Variants in GPRIN3 observed in about 807,000 individuals in gnomAD.
GPRIN3 encodes G protein-regulated inducer of neurite outgrowth 3.
Under a neutral mutation model 13.7 loss-of-function variants are expected in GPRIN3, and 12 were observed. That is an observed-to-expected ratio of 0.87 (90% CI 0.56 to 1.42). GPRIN3 has a LOEUF of 1.42. Among genes scored for constraint, GPRIN3 ranks in the 40% most tolerant of loss-of-function variants. The pLI is 0.00. For synonymous variants in GPRIN3, 377 were observed against 372.7 expected (o/e 1.01, Z -0.13); for missense variants, 1,009 against 958.7 (o/e 1.05, Z -0.69).
At chr4:89,256,188 G>T (rs761194309) in intron 1 of GPRIN3, among the ~76,000 whole-genome samples, 2 of 151,936 alleles carry the variant, frequency 1.3e-5, no homozygotes, top group Non-Finnish European at 2.9e-5. Flanking sequence ...GAAGAAAATG[G>T]AAAGAAAGAA....
chr4:89,248,780 G>C lies in GPRIN3; in HGVS notation c.1331C>G (p.Thr444Ser). The C allele has an allele frequency of 6.2e-7, 1 of 1,614,218 alleles. No individual in the cohort carries two copies. Among genetic ancestry groups the C allele is most frequent in the Non-Finnish European group, 8.5e-7 (1 of 1,180,026 alleles). ...CKEDGRLAGMTPVREESTAKK... is the reference protein window; with the variant it reads ...CKEDGRLAGMSPVREESTAKK... Reference sequence around the variant, plus strand: ...AGCAGTTGACTCTTCCCTCACTGGAGTCATTCCTGCTAACCTCCCATCTTC... The same window carrying C: ...AGCAGTTGACTCTTCCCTCACTGGACTCATTCCTGCTAACCTCCCATCTTC... Residue 444 changes from threonine to serine, a missense_variant, in exon 2 of 2, where the codon ACT becomes AGT. Transcript: ENST00000609438.
intron 1 of GPRIN3, among the ~76,000 whole-genome samples, chr4:89,270,602 A>ATATATATAT (rs1561205844): frequency 1.8e-4 from 10 of 55,598 alleles, no homozygotes; most frequent in South Asian, 8.1e-4. Context: ...TATATATATA[A>ATATATATAT]AATATAGATA....
chr4:89,254,493 T>C (rs1279884029), intron 1 of GPRIN3, among the ~76,000 whole-genome samples: 1 of 152,218 alleles, frequency 6.6e-6, no homozygotes, highest in Non-Finnish European at 1.5e-5. Context: ...TTTCTGTTGC[T>C]GCATTAGTTT....
At chr4:89,256,133 G>A (rs1049152632) in intron 1 of GPRIN3, among the ~76,000 whole-genome samples, 5 of 152,146 alleles carry the variant, frequency 3.3e-5, no homozygotes, top group African/African-American at 1.2e-4. Context: ...GGATGCGAAT[G>A]CCTGGACCCT....
At chr4:89,258,145 G>T (rs1237062974) in intron 1 of GPRIN3, among the ~76,000 whole-genome samples, 2 of 151,494 alleles carry the variant, frequency 1.3e-5, no homozygotes, top group African/African-American at 2.4e-5. Context: ...CAAAAGAAAA[G>T]CATATAACTG....
At chr4:89,292,581 C>T (rs1446400955) in intron 1 of GPRIN3, among the ~76,000 whole-genome samples, 1 of 152,128 alleles carries the variant, frequency 6.6e-6, no homozygotes, top group Non-Finnish European at 1.5e-5. Context: ...TTGAGGGTCA[C>T]TGATAAAGAC....
chr4:89,254,755 C>T (rs1396167229), intron 1 of GPRIN3, among the ~76,000 whole-genome samples: 4 of 152,164 alleles, frequency 2.6e-5, no homozygotes, highest in African/African-American at 4.8e-5. Context: ...AATGGAATTG[C>T]TGGGTTGAAT....
chr4:89,268,162 A>T (rs6824975), intron 1 of GPRIN3, among the ~76,000 whole-genome samples: 29,700 of 152,122 alleles, frequency 0.2, 3,381 homozygotes, highest in African/African-American at 0.32. Flanking sequence ...CTTAAAAAAG[A>T]AGTAGTTTTA....
intron 1 of GPRIN3, among the ~76,000 whole-genome samples, chr4:89,266,656 T>C (rs1479535950): frequency 2.6e-5 from 4 of 152,194 alleles, no homozygotes; most frequent in African/African-American, 9.6e-5. Context: ...TTCTTATTCT[T>C]AATTACAACT....
Sources: gnomAD v4.1 joint callset for allele counts (sites outside exome capture counted in the v4.1 genomes callset) on GRCh38, gnomAD v4.1.1 for gene constraint, MANE v1.5 for transcripts, NCBI Gene and HGNC (gene_info 2026-07-23, HGNC 2026-07-21) for gene names.